The following ADGRB3 variants were observed in gnomAD, a reference collection of about 807,000 sequenced individuals.
The protein encoded by ADGRB3 is brain-specific angiogenesis inhibitor 3.
In ADGRB3, 37 loss-of-function variants were observed where a neutral mutation model predicts 193.4. The ratio of observed to expected loss-of-function variants is 0.19; its 90% confidence interval spans 0.15 to 0.25. ADGRB3 has a LOEUF of 0.25. Among genes scored for constraint, ADGRB3 ranks in the 10% least tolerant of loss-of-function variants. The pLI is 1.00. For missense variants in ADGRB3, 1,637 were observed against 1,852.9 expected (o/e 0.88, Z 2.14); for synonymous variants, 690 against 644.2 (o/e 1.07, Z -1.08).
At chr6:69,267,124 T>A (rs919775684) in intron 20 of ADGRB3, among the ~76,000 whole-genome samples, 12 of 152,248 alleles carry the variant, frequency 7.9e-5, no homozygotes, top group East Asian at 1.9e-4. Context: ...AGGCTTTTTT[T>A]AAATTTTTTT....
At chr6:68,816,312 G>A (rs561391266) in intron 3 of ADGRB3, among the ~76,000 whole-genome samples, 81 of 151,992 alleles carry the variant, frequency 5.3e-4, no homozygotes, top group African/African-American at 1.8e-3. Flanking sequence ...AAATGATTAA[G>A]AATCTGTACT....
intron 17 of ADGRB3, among the ~76,000 whole-genome samples, chr6:69,134,761 T>C (rs1774105494): frequency 6.6e-6 from 1 of 151,608 alleles, no homozygotes; most frequent in Non-Finnish European, 1.5e-5. Flanking sequence ...GGTGTGTGTG[T>C]ATATATATAT....
chr6:68,848,673 A>G (rs1205844629), intron 3 of ADGRB3, among the ~76,000 whole-genome samples: 3 of 152,030 alleles, frequency 2.0e-5, no homozygotes, highest in African/African-American at 7.2e-5. Flanking sequence ...TAAAATTTCT[A>G]AATTTTATAA....
chr6:69,235,945 T>G (rs983190096), intron 19 of ADGRB3, among the ~76,000 whole-genome samples: 1 of 151,888 alleles, frequency 6.6e-6, no homozygotes, highest in African/African-American at 2.4e-5. Context: ...TATCCACTTT[T>G]ATTATTGAAA....
At chr6:69,228,214 A>C (rs893278301) in intron 17 of ADGRB3, among the ~76,000 whole-genome samples, 1 of 152,152 alleles carries the variant, frequency 6.6e-6, no homozygotes, top group Non-Finnish European at 1.5e-5. Context: ...TCGAGATTGC[A>C]CCACTGCATT....
rs998871415 is a variant in ADGRB3, at chr6:68,660,557, A to T, written c.757+21125A>T. ...TCAGAGCCACTCAAATTGATATTCC[A>T]TCCTTTTAAAATTTTACTTCCATAT... On this transcript the variant is annotated intron_variant, in intron 3 of 31. Coordinates refer to ENST00000370598, the MANE Select transcript of ADGRB3 (RefSeq NM_001704.3). Among the ~76,000 whole-genome samples the T allele has an allele frequency of 6.6e-5, 10 of 151,084 alleles. No homozygotes were observed. The Admixed American group carries it at 6.6e-4, about 10-fold the overall frequency.
chr6:68,643,419 C>G (rs2341765), intron 3 of ADGRB3, among the ~76,000 whole-genome samples: 8,513 of 129,590 alleles, frequency 0.066, 348 homozygotes, highest in East Asian at 0.19. Flanking sequence ...TCACCTTTCT[C>G]TTTACACTCT....
At chr6:69,175,680 A>G (rs568688342) in intron 17 of ADGRB3, among the ~76,000 whole-genome samples, 1 of 152,216 alleles carries the variant, frequency 6.6e-6, no homozygotes, top group South Asian at 2.1e-4. Flanking sequence ...TTGAAAAACT[A>G]TTTGGTACCT....
intron 3 of ADGRB3, among the ~76,000 whole-genome samples, chr6:68,913,625 A>T (rs1766787694): frequency 6.6e-6 from 1 of 152,196 alleles, no homozygotes; most frequent in South Asian, 2.1e-4. Context: ...AAACTCTAAA[A>T]ATCAGAGTGC....
intron 17 of ADGRB3, among the ~76,000 whole-genome samples, chr6:69,143,560 A>G (rs912532646): frequency 6.6e-5 from 10 of 152,204 alleles, no homozygotes; most frequent in African/African-American, 2.4e-4. Context: ...ATATTTGTAT[A>G]TGCCAAGAGA....
In ADGRB3 at chr6:69,031,519, C is replaced by CTCTTTCTTTCTTTCTTTCTT. The variant is rs201301230; in HGVS notation, c.2107+13034_2107+13053dup. 2.8e-3 allele frequency among the ~76,000 whole-genome samples: 60 copies of CTCTTTCTTTCTTTCTTTCTT among 21,264 alleles called. 6 individuals carry two copies. Among genetic ancestry groups the CTCTTTCTTTCTTTCTTTCTT allele is most frequent in the Admixed American group, 5.2e-3 (9 of 1,740 alleles). The allele number at this position is 21,264 out of a possible 152,430, so 14.0% of individuals were successfully genotyped here. A position where few individuals can be genotyped will look rare whatever the true frequency, so the allele number is the denominator to read the frequency against. On this transcript the variant is annotated intron_variant, in intron 13 of 31. Coordinates refer to ENST00000370598, the MANE Select transcript of ADGRB3 (RefSeq NM_001704.3). ...CACAAACATTTTGAATTTGAGTTGT[C>CTCTTTCTTTCTTTCTTTCTT]TCTTTCTTTCTTTCTTTCTTTCTTT...
chr6:69,329,306 A>C (rs544267266), intron 22 of ADGRB3, among the ~76,000 whole-genome samples: 1 of 152,192 alleles, frequency 6.6e-6, no homozygotes, highest in Non-Finnish European at 1.5e-5. Flanking sequence ...AAAGTGGAAA[A>C]GTACGGTTTT....
intron 15 of ADGRB3, among the ~76,000 whole-genome samples, chr6:69,049,808 C>T (rs1050728122): frequency 6.6e-6 from 1 of 152,112 alleles, no homozygotes; most frequent in Non-Finnish European, 1.5e-5. Flanking sequence ...TTTTCAATTA[C>T]AGTTACATTT....
Position 69,372,394 on chromosome 6 carries a change from T to C in ADGRB3, c.4240-12T>C. 1 of 1,340,550 alleles carries C rather than the reference T, an allele frequency of 7.5e-7. No homozygotes were observed. The allele number at this position is 1,340,550 out of a possible 1,614,324, so 83.0% of individuals were successfully genotyped here. ...TGGTTTTTCTCCTTCTTTTTAAAAA[T>C]ATATCTTACAGAGAAGAAAATCACG... On this transcript the variant is annotated splice_polypyrimidine_tract_variant and intron_variant, in intron 29 of 31. Coordinates refer to ENST00000370598, the MANE Select transcript of ADGRB3 (RefSeq NM_001704.3).
Position 68,638,912 on chromosome 6 carries a change from C to T in ADGRB3, c.237C>T (p.Ser79=), listed in dbSNP as rs771286520. 1 of 1,614,100 alleles carries T rather than the reference C, an allele frequency of 6.2e-7. No individual in the cohort carries two copies. Among genetic ancestry groups the T allele is most frequent in the South Asian group, 1.1e-5 (1 of 91,082 alleles). Reference sequence around the variant, plus strand: ...TGAAATTTTCCAAAAAGGACCTTAGCTGCTCTAACTTTTCACTCCTGGCTT... The same window carrying T: ...TGAAATTTTCCAAAAAGGACCTTAGTTGCTCTAACTTTTCACTCCTGGCTT... The part of the protein sequence containing the change: ...IYLKFSKKDL[S]CSNFSLLAYQ... The change falls in exon 3 of 32, where the codon AGC becomes AGT. Residue 79 remains serine, a synonymous_variant. Coordinates refer to ENST00000370598, the MANE Select transcript of ADGRB3 (RefSeq NM_001704.3).
chr6:69,278,734 T>C (rs1483324298), intron 20 of ADGRB3, among the ~76,000 whole-genome samples: 2 of 152,168 alleles, frequency 1.3e-5, no homozygotes, highest in East Asian at 3.9e-4. Flanking sequence ...CCTGACTCTA[T>C]GCTTTTCTAT....
At chr6:69,053,706 T>A (rs1771463681) in intron 15 of ADGRB3, among the ~76,000 whole-genome samples, 1 of 152,200 alleles carries the variant, frequency 6.6e-6, no homozygotes, top group Non-Finnish European at 1.5e-5. Flanking sequence ...TTAGAAAACA[T>A]CCATATCTTG....
At chr6:69,220,960 G>C (rs1765881456) in intron 17 of ADGRB3, among the ~76,000 whole-genome samples, 1 of 151,730 alleles carries the variant, frequency 6.6e-6, no homozygotes, top group Non-Finnish European at 1.5e-5. Context: ...TTGGGTTGTA[G>C]GTTTCAGATT....
chr6:68,678,519 TA>T (rs1373635901), intron 3 of ADGRB3, among the ~76,000 whole-genome samples: 1 of 152,124 alleles, frequency 6.6e-6, no homozygotes, highest in Non-Finnish European at 1.5e-5. Context: ...CTTTAGAACA[TA>T]TAAAAGACAG....
Sources: allele counts gnomAD v4.1 joint callset (sites outside exome capture counted in the v4.1 genomes callset), GRCh38; gene constraint gnomAD v4.1.1; transcripts MANE v1.5; gene names NCBI Gene and HGNC (gene_info 2026-07-23, HGNC 2026-07-21).